Variants in SPPL3 observed in about 807,000 individuals in gnomAD.
SPPL3 encodes the protein signal peptide peptidase like 3, also known as signal peptide peptidase-like 3.
A neutral mutation model predicts 42.4 loss-of-function variants in SPPL3; 5 were observed. That is an observed-to-expected ratio of 0.12 (90% CI 0.06 to 0.25). The LOEUF (loss-of-function observed/expected upper bound fraction) is 0.25. Among genes scored for constraint, SPPL3 ranks in the 10% least tolerant of loss-of-function variants. SPPL3 has a pLI of 1.00. For missense variants in SPPL3, 235 were observed against 489.0 expected, an observed-to-expected ratio of 0.48 and a Z score of 4.90; for synonymous variants, 195 against 181.8, an observed-to-expected ratio of 1.07 and a Z score of -0.58.
Position 120,791,296 on chromosome 12 carries a change from C to T in SPPL3, c.190+173G>A, listed in dbSNP as rs998895791. Among the ~76,000 whole-genome samples the T allele has an allele frequency of 5.9e-5, 9 of 152,090 alleles. No homozygotes were observed. In the South Asian group the frequency reaches 6.2e-4, roughly 11 times the overall value. On this transcript the variant is annotated intron_variant, in intron 3 of 10. Transcript: ENST00000353487. ...TATAAGCATCAAACATTTTTATTAACGTTATTGAGGTACAATTACATACCG... is the reference window on the plus strand; with the variant it reads ...TATAAGCATCAAACATTTTTATTAATGTTATTGAGGTACAATTACATACCG...
intron 2 of SPPL3, among the ~76,000 whole-genome samples, chr12:120,793,052 G>A (rs184351866): frequency 6.6e-6 from 1 of 152,120 alleles, no homozygotes; most frequent in Admixed American, 6.5e-5. Context: ...TTGTGTCTAG[G>A]ATATATAAAG....
At chr12:120,842,897 A>G (rs1871878929) in intron 1 of SPPL3, among the ~76,000 whole-genome samples, 1 of 152,190 alleles carries the variant, frequency 6.6e-6, no homozygotes, top group Non-Finnish European at 1.5e-5. Flanking sequence ...AATAGAAAAA[A>G]ATGCCATTTT....
chr12:120,903,143 C>T (rs923956820), intron 1 of SPPL3, among the ~76,000 whole-genome samples: 1 of 152,174 alleles, frequency 6.6e-6, no homozygotes, highest in Non-Finnish European at 1.5e-5. Flanking sequence ...AGTACCAACC[C>T]TTACAAAGAC....
chr12:120,812,139 A>AT lies in SPPL3; in HGVS notation c.24-1254dup, dbSNP rs1310248204. Among the ~76,000 whole-genome samples, 1,009 of 143,684 alleles carry AT rather than the reference A, an allele frequency of 7.0e-3. 3 individuals are homozygous for AT. Among genetic ancestry groups the AT allele is most frequent in the Non-Finnish European group, 1.0e-2 (651 of 65,206 alleles). 94.3% of individuals were successfully genotyped at this position (143,684 alleles called of 152,430 possible). A position where few individuals can be genotyped will look rare whatever the true frequency, so the allele number is the denominator to read the frequency against. ...AAAAAAAGTAACATAGGAGGAACAG[A>AT]TTTTTTTTTTTTTGAGACAGAGTCT... On this transcript the variant is annotated intron_variant, in intron 1 of 10. Transcript: ENST00000353487.
chr12:120,772,259 T>A (rs1003376980), intron 6 of SPPL3, among the ~76,000 whole-genome samples: 1 of 152,170 alleles, frequency 6.6e-6, no homozygotes, highest in African/African-American at 2.4e-5. Context: ...TGACCTCAGG[T>A]GATCCACCCA....
At chr12:120,793,826 A>T (rs1287065232) in intron 2 of SPPL3, among the ~76,000 whole-genome samples, 1 of 152,222 alleles carries the variant, frequency 6.6e-6, no homozygotes, top group Non-Finnish European at 1.5e-5. Flanking sequence ...GTCCCCATAT[A>T]TGGTCTGCAT....
intron 2 of SPPL3, among the ~76,000 whole-genome samples, chr12:120,807,696 GAGAA>G (rs1173916531): frequency 4.0e-5 from 6 of 150,480 alleles, no homozygotes; most frequent in African/African-American, 7.3e-5. Flanking sequence ...AAGAAAAAAA[GAGAA>G]AGAAAAAGAA....
At position 120,764,210 on chromosome 12, in the gene SPPL3, C is replaced by G. The variant is rs1242395214; in HGVS notation, c.*789G>C. On this transcript the variant is annotated 3_prime_UTR_variant, in exon 11 of 11. Transcript: ENST00000353487. ...AGCTTATCCATATACAAGGAAGCCA[C>G]AGTAAACTGCTCGACATGCTCAAAA... The G allele has an allele frequency of 6.6e-6, 1 of 152,350 alleles. No individual in the cohort carries two copies. The highest frequency in any genetic ancestry group is 1.5e-5 in the Non-Finnish European group (1 of 68,040). The allele number at this position is 152,350 out of a possible 1,614,324, so 9.4% of individuals were successfully genotyped here.
rs115931583 is a variant in SPPL3 at position 120,890,804 on chromosome 12, C to T, written c.23+13041G>A. On this transcript the variant is annotated intron_variant, in intron 1 of 10. Transcript: ENST00000353487. ...AATATTCTACATATACACACAAACA[C>T]GGAGCGAAAAGTCAACAGGCCTTAT... Among the ~76,000 whole-genome samples the T allele has an allele frequency of 5.9e-3, 891 of 152,134 alleles. 11 individuals carry two copies. Among genetic ancestry groups the T allele is most frequent in the African/African-American group, 0.019 (804 of 41,494 alleles).
intron 1 of SPPL3, among the ~76,000 whole-genome samples, chr12:120,889,021 C>T (rs1873551158): frequency 6.6e-6 from 1 of 151,950 alleles, no homozygotes; most frequent in African/African-American, 2.4e-5. Context: ...GTCATGTTGG[C>T]GAGGCTGGTC....
intron 6 of SPPL3, among the ~76,000 whole-genome samples, chr12:120,779,430 G>C (rs1869445731): frequency 6.6e-6 from 1 of 152,140 alleles, no homozygotes; most frequent in Non-Finnish European, 1.5e-5. Flanking sequence ...GTAGGTAACA[G>C]GAATAGATGC....
intron 1 of SPPL3, among the ~76,000 whole-genome samples, chr12:120,846,184 T>C (rs1048248261): frequency 3.3e-5 from 5 of 152,210 alleles, no homozygotes; most frequent in African/African-American, 1.2e-4. Flanking sequence ...TGATGCTTCA[T>C]TCACTGTTAC....
At chr12:120,791,617 G>A in intron 2 of SPPL3, 60 bp from the exon 3 acceptor site, 1 of 1,105,022 alleles carries the variant, frequency 9.0e-7, no homozygotes, top group South Asian at 1.4e-5. Context: ...GGTCAGAAAA[G>A]TCATATGACA....
chr12:120,890,318 G>A (rs1316181280), intron 1 of SPPL3, among the ~76,000 whole-genome samples: 5 of 151,884 alleles, frequency 3.3e-5, no homozygotes, highest in South Asian at 2.1e-4. Flanking sequence ...GGCAGGGCAC[G>A]GTGGCTCACA....
intron 1 of SPPL3, among the ~76,000 whole-genome samples, chr12:120,860,690 G>A (rs1004816052): frequency 3.9e-5 from 6 of 152,166 alleles, no homozygotes; most frequent in South Asian, 2.1e-4. Context: ...AAGTTTGTTC[G>A]TGACAAATTG....
At chr12:120,879,732 A>C (rs1471611326) in intron 1 of SPPL3, among the ~76,000 whole-genome samples, 2 of 152,108 alleles carry the variant, frequency 1.3e-5, no homozygotes, top group Admixed American at 6.5e-5. Context: ...TAACTATAAA[A>C]TCTTGGGTAA....
rs138261136 is a variant in SPPL3, at chr12:120,856,646, T to C, written c.24-45760A>G. On this transcript the variant is annotated intron_variant, in intron 1 of 10. Coordinates refer to ENST00000353487, the MANE Select transcript of SPPL3 (RefSeq NM_139015.5). ...GTTTGAATCCTCCTGAATTTTCCCA[T>C]AAAAACAGATTGAGCAATCTGGATG... Among the ~76,000 whole-genome samples the C allele has an allele frequency of 3.1e-4, 47 of 151,170 alleles. No individual in the cohort carries two copies. The East Asian group carries it at 8.2e-3, about 26-fold the overall frequency.
At chr12:120,838,616 G>A (rs1871699959) in intron 1 of SPPL3, among the ~76,000 whole-genome samples, 1 of 152,182 alleles carries the variant, frequency 6.6e-6, no homozygotes, top group South Asian at 2.1e-4. Context: ...TCTGTTCTTT[G>A]TGTCCAAACA....
At chr12:120,809,917 G>A (rs576465364) in intron 2 of SPPL3, among the ~76,000 whole-genome samples, 1 of 152,172 alleles carries the variant, frequency 6.6e-6, no homozygotes, top group African/African-American at 2.4e-5. Context: ...AAAATATGAT[G>A]TAAATTTCCA....
Sources: gnomAD v4.1 joint callset for allele counts (sites outside exome capture counted in the v4.1 genomes callset) on GRCh38, gnomAD v4.1.1 for gene constraint, MANE v1.5 for transcripts, NCBI Gene and HGNC (gene_info 2026-07-23, HGNC 2026-07-21) for gene names.